The following PDE6B variants were observed in gnomAD, a reference collection of about 807,000 sequenced individuals.
PDE6B encodes rod cGMP-specific 3',5'-cyclic phosphodiesterase subunit beta.
PDE6B carries 106 observed loss-of-function variants against 109.0 expected under a neutral mutation model. The ratio of observed to expected loss-of-function variants is 0.97; its 90% CI spans 0.83 to 1.14. The LOEUF (loss-of-function observed/expected upper bound fraction) is 1.14, where lower values mean the gene tolerates loss of function less well. PDE6B is among the 50% of genes most tolerant of loss of function. PDE6B has a pLI of 0.00. For missense variants in PDE6B, 1,193 were observed against 1,155.6 expected, an observed-to-expected ratio of 1.03 and a Z score of -0.47; for synonymous variants, 490 against 471.3, an observed-to-expected ratio of 1.04 and a Z score of -0.51.
In PDE6B at chr4:663,191, G is replaced by A. The variant is rs370313003; in HGVS notation, c.1920+4G>A. On this transcript the variant is annotated splice_donor_region_variant and intron_variant, in intron 15 of 21. Coordinates refer to ENST00000496514, the MANE Select transcript of PDE6B (RefSeq NM_000283.4). This position sits in a 1 kb window ranked among gnomAD's most constrained non-coding sequence, Gnocchi z 4.0. The stretch of plus-strand genomic sequence containing the variant: ...GAAGTTCCTGCTCTCGGAGGAGGTT[G>A]GTATACTCACCCTCGGTTTCTGCTG... 3.1e-5 allele frequency: 48 copies of A among 1,545,240 alleles called. No homozygotes were observed. In the African/African-American group the frequency reaches 3.9e-4, roughly 13 times the overall value.
chr4:657,499 G>A lies in PDE6B; in HGVS notation c.1401+5G>A, dbSNP rs201623488. 8.1e-4 allele frequency: 1,193 copies of A among 1,467,048 alleles called. 10 individuals are homozygous for A. The highest frequency in any genetic ancestry group is 6.8e-3 in the South Asian group (610 of 89,156). The allele number at this position is 1,467,048 out of a possible 1,614,324, so 90.9% of individuals were successfully genotyped here. On this transcript the variant is annotated splice_donor_5th_base_variant and intron_variant, in intron 10 of 21. Transcript: ENST00000496514. The stretch of plus-strand genomic sequence containing the variant: ...GACGAGATCCAGCTCATCCTGGTGC[G>A]GCGGGGCAGGACGTCCAGGGGTCAC...
At position 666,927 on chromosome 4, in the gene PDE6B, C is replaced by T. The variant is rs1309540504; in HGVS notation, c.2352+313C>T. Among the ~76,000 whole-genome samples, 5 of 152,240 alleles carry T rather than the reference C, an allele frequency of 3.3e-5. No individual in the cohort carries two copies. The highest frequency in any genetic ancestry group is 2.0e-4 in the Admixed American group (3 of 15,292). On this transcript the variant is annotated intron_variant, in intron 20 of 21. Coordinates refer to ENST00000496514, the MANE Select transcript of PDE6B (RefSeq NM_000283.4). This position sits in a 1 kb window ranked among gnomAD's most constrained non-coding sequence, Gnocchi z 5.6. Reference sequence around the variant, plus strand: ...GAAGTTCTCCCTCAGTGCCCTCCGCCGTGGCCAGCACACTGTTTTGGGGGC... The same window carrying T: ...GAAGTTCTCCCTCAGTGCCCTCCGCTGTGGCCAGCACACTGTTTTGGGGGC...
rs1196098549 is a variant in PDE6B, at chr4:662,277, C to A, written c.1722+36C>A. On this transcript the variant is annotated intron_variant, in intron 13 of 21. Coordinates refer to ENST00000496514, the MANE Select transcript of PDE6B (RefSeq NM_000283.4). The surrounding 1 kb of genome is among the most constrained non-coding windows in gnomAD (Gnocchi z 4.3). ...GCCAGAATCACCAGGGTTGTGCAGGCCCTCCTGGTACCAAGGGCAGCACTC... is the reference window on the plus strand; with the variant it reads ...GCCAGAATCACCAGGGTTGTGCAGGACCTCCTGGTACCAAGGGCAGCACTC... 14 of 1,220,440 alleles carry A rather than the reference C, an allele frequency of 1.1e-5. No homozygotes were observed. Among genetic ancestry groups the A allele is most frequent in the Middle Eastern group, 1.8e-4 (1 of 5,434 alleles). The allele number at this position is 1,220,440 out of a possible 1,614,324, so 75.6% of individuals were successfully genotyped here.
At position 657,028 on chromosome 4, in the gene PDE6B, G is replaced by C. The variant is rs1457857700; in HGVS notation, c.1257+5G>C. On this transcript the variant is annotated splice_donor_5th_base_variant and intron_variant, in intron 9 of 21. Coordinates refer to ENST00000496514, the MANE Select transcript of PDE6B (RefSeq NM_000283.4). The stretch of plus-strand genomic sequence containing the variant: ...CAGGACGAGGTTCTCATGGAGGTAA[G>C]CACCTGGGCAGACGTGGTTCCGCCG... The C allele has an allele frequency of 1.2e-6, 2 of 1,612,834 alleles. No homozygotes were observed. Among genetic ancestry groups the C allele is most frequent in the Non-Finnish European group, 1.7e-6 (2 of 1,179,764 alleles).
intron 3 of PDE6B, among the ~76,000 whole-genome samples, chr4:647,470 C>A (rs1231972103): frequency 6.6e-6 from 1 of 152,044 alleles, no homozygotes; most frequent in Non-Finnish European, 1.5e-5. Context: ...CAAAATACCA[C>A]ACACCGAGCA....
At chr4:657,290 G>T in intron 9 of PDE6B, 61 bp from the exon 10 acceptor site, 2 of 1,599,422 alleles carry the variant, frequency 1.3e-6, no homozygotes, top group South Asian at 1.1e-5. Flanking sequence ...CTGGCACACA[G>T]GCACATGGGA....
rs1478385186 is a variant in PDE6B, at chr4:636,704, C to G, written c.711+735C>G. 2.0e-5 allele frequency among the ~76,000 whole-genome samples: 3 copies of G among 152,148 alleles called. No homozygotes were observed. The highest frequency in any genetic ancestry group is 7.2e-5 in the African/African-American group (3 of 41,440). On this transcript the variant is annotated intron_variant, in intron 3 of 21. Transcript: ENST00000496514. The surrounding 1 kb of genome is among the most constrained non-coding windows in gnomAD (Gnocchi z 4.5). ...CCGTGTCTTGTTCTGCCTGCGGATG[C>G]TGCCTGGCCCTGGTCACCTGCTGCG...
chr4:629,020 C>T (rs1030746901), intron 1 of PDE6B, among the ~76,000 whole-genome samples: 4 of 152,228 alleles, frequency 2.6e-5, no homozygotes, highest in Non-Finnish European at 5.9e-5. Context: ...ACCTTGGGCT[C>T]AGGAACCACA....
intron 20 of PDE6B, 23 bp from the exon 21 acceptor site, chr4:667,832 TG>T (rs1278058973): frequency 6.2e-7 from 1 of 1,610,566 alleles, no homozygotes; most frequent in East Asian, 2.2e-5. Flanking sequence ...ACAGGACTGG[TG>T]GTGACTTCTC....
chr4:650,026 ACCT>A (rs1735419430), intron 3 of PDE6B, among the ~76,000 whole-genome samples: 1 of 152,136 alleles, frequency 6.6e-6, no homozygotes, highest in African/African-American at 2.4e-5. Flanking sequence ...GAGGGACACA[ACCT>A]CAGCTTCCAT....
In PDE6B at chr4:626,317, C is replaced by T. The variant is rs560650568; in HGVS notation, c.468+223C>T. 5.9e-4 allele frequency among the ~76,000 whole-genome samples: 90 copies of T among 152,320 alleles called. No individual in the cohort carries two copies. The highest frequency in any genetic ancestry group is 1.2e-3 in the Non-Finnish European group (79 of 68,034). On this transcript the variant is annotated intron_variant, in intron 1 of 21. Transcript: ENST00000496514. This position sits in a 1 kb window ranked among gnomAD's most constrained non-coding sequence, Gnocchi z 4.6. ...TCTGGCTCAAGCTGACATCGCATGG[C>T]CACTGAGTTGGTTAGACCTGAGTCT... is the stretch of plus-strand genomic sequence containing the variant.
At position 670,070 on chromosome 4, in the gene PDE6B, G is replaced by A. The variant is rs752232854; in HGVS notation, c.2528G>A (p.Gly843Asp). 1.2e-6 allele frequency: 2 copies of A among 1,613,102 alleles called. No individual in the cohort carries two copies. The highest frequency in any genetic ancestry group is 1.3e-5 in the African/African-American group (1 of 74,962). ...GTAGGCACAGAAATTTGCAATGGCGGCCCAGCACCCAAGTCTTCAACCTGC... is the reference window on the plus strand; with the variant it reads ...GTAGGCACAGAAATTTGCAATGGCGACCCAGCACCCAAGTCTTCAACCTGC... ...KKVGTEICNG[G>D]PAPKSSTCCI... The change falls in exon 22 of 22, where the codon GGC becomes GAC. Residue 843 changes from glycine (G) to aspartate (D), a missense_variant. By Grantham distance (94) the Gly-to-Asp change is moderately conservative. Transcript: ENST00000496514.
intron 12 of PDE6B, chr4:661,789 T>C (rs1344765113): frequency 1.1e-5 from 4 of 356,938 alleles, no homozygotes; most frequent in African/African-American, 8.5e-5. Context: ...CAAATGTCCA[T>C]GCCTAAAACC....
At chr4:635,822 G>A (rs773877926) in intron 2 of PDE6B, 58 bp from the exon 3 acceptor site, 96 of 908,976 alleles carry the variant, frequency 1.1e-4, no homozygotes, top group Non-Finnish European at 1.5e-4. Flanking sequence ...AAATACCCAC[G>A]GGGGCACATG....
At chr4:643,397 T>A (rs924136527) in intron 3 of PDE6B, among the ~76,000 whole-genome samples, 1 of 152,182 alleles carries the variant, frequency 6.6e-6, no homozygotes, top group Non-Finnish European at 1.5e-5. Context: ...CTTTATCTGG[T>A]TTTGCTATTA....
At chr4:656,032 C>T in intron 7 of PDE6B, 26 bp downstream of exon 7, 1 of 1,476,200 alleles carries the variant, frequency 6.8e-7, no homozygotes, top group Non-Finnish European at 9.5e-7. Flanking sequence ...TCTGGAGTCC[C>T]CACAGCCTTG....
chr4:654,072 C>G lies in PDE6B; in HGVS notation c.853-8C>G. On this transcript the variant is annotated splice_region_variant and splice_polypyrimidine_tract_variant and intron_variant, in intron 4 of 21. Transcript: ENST00000496514. ...TGACCGCCCCACCCTCACCTCTTCT[C>G]TGCCCAGGAATTTTTTGACGTGTGG... The G allele has an allele frequency of 6.2e-7, 1 of 1,613,914 alleles. No individual in the cohort carries two copies. Among genetic ancestry groups the G allele is most frequent in the South Asian group, 1.1e-5 (1 of 91,078 alleles).
At chr4:656,735 A>C in intron 8 of PDE6B, 139 bp from the exon 9 acceptor site, 1 of 727,060 alleles carries the variant, frequency 1.4e-6, no homozygotes, top group Non-Finnish European at 2.4e-6. Flanking sequence ...GAGAGAGGGA[A>C]TGCAGAGAGC....
At chr4:654,981 C>T (rs1020202763) in intron 6 of PDE6B, 93 bp downstream of exon 6, 4 of 833,426 alleles carry the variant, frequency 4.8e-6, no homozygotes, top group South Asian at 1.3e-5. Flanking sequence ...CAGGGCTTCC[C>T]ACGGTGCAGT....
Sources: allele counts gnomAD v4.1 joint callset (sites outside exome capture counted in the v4.1 genomes callset), GRCh38; gene constraint gnomAD v4.1.1; non-coding constraint Gnocchi (gnomAD v3.1); transcripts MANE v1.5; gene names NCBI Gene and HGNC (gene_info 2026-07-23, HGNC 2026-07-21).